Variants in NKAIN4 observed in about 807,000 individuals in gnomAD.
The protein encoded by NKAIN4 is sodium/potassium-transporting ATPase subunit beta-1-interacting protein 4.
A neutral mutation model predicts 28.8 loss-of-function variants in NKAIN4; 28 were observed. That is an observed-to-expected ratio of 0.97 (90% CI 0.72 to 1.33). The LOEUF is 1.33. Among genes scored for constraint, NKAIN4 ranks in the 40% most tolerant of loss-of-function variants. The pLI, the probability that NKAIN4 is intolerant of heterozygous loss-of-function variation, is 0.00. For missense variants in NKAIN4, 289 were observed against 277.2 expected, an observed-to-expected ratio of 1.04 and a Z score of -0.30; for synonymous variants, 122 against 115.6, an observed-to-expected ratio of 1.06 and a Z score of -0.36.
intron 6 of NKAIN4, among the ~76,000 whole-genome samples, 169 bp downstream of exon 6, chr20:63,242,370 G>C (rs1271182879): frequency 6.6e-6 from 1 of 152,208 alleles, no homozygotes; most frequent in African/African-American, 2.4e-5. Context: ...TACCACCCCA[G>C]AGCCTGGCAT....
chr20:63,254,614 G>C (rs2067019926), upstream of NKAIN4: 1 of 480,976 alleles, frequency 2.1e-6, no homozygotes. Flanking sequence ...TAACAGCTGC[G>C]CTGCGTCTCC....
chr20:63,241,319 CG>C lies in NKAIN4; in HGVS notation c.*177del. ...AAACTCTCTTGACGCTGCAGCCAGC[CG>C]TGGCACTGCCCTGCCGCCCTGGCTG... On this transcript the variant is annotated 3_prime_UTR_variant, in exon 7 of 7. Coordinates refer to ENST00000370316, the MANE Select transcript of NKAIN4 (RefSeq NM_152864.4). 1 of 604,584 alleles carries C rather than the reference CG, an allele frequency of 1.7e-6. No homozygotes were observed. Among genetic ancestry groups the C allele is most frequent in the South Asian group, 2.0e-5 (1 of 50,670 alleles). 37.5% of individuals were successfully genotyped at this position (604,584 alleles called of 1,614,324 possible).
At chr20:63,247,177 T>C in intron 4 of NKAIN4, 1 of 1,128,972 alleles carries the variant, frequency 8.9e-7, no homozygotes, top group Non-Finnish European at 1.1e-6. Context: ...GTGACCGGCA[T>C]GGGCTCGGGG....
chr20:63,241,812 G>A (rs879321911), intron 6 of NKAIN4: 14 of 565,398 alleles, frequency 2.5e-5, no homozygotes, highest in East Asian at 7.5e-5. Context: ...CAGGGTCTGC[G>A]TGTGACCCCA....
At chr20:63,251,708 G>A (rs889200680) in intron 1 of NKAIN4, among the ~76,000 whole-genome samples, 14 of 152,148 alleles carry the variant, frequency 9.2e-5, no homozygotes, top group African/African-American at 2.2e-4. Context: ...CGGGAACAAA[G>A]AGTAATTGCT....
intron 4 of NKAIN4, 184 bp downstream of exon 4, chr20:63,247,394 G>A (rs1351953720): frequency 6.5e-7 from 1 of 1,531,458 alleles, no homozygotes; most frequent in South Asian, 1.2e-5. Context: ...AGGCACTGAG[G>A]TGCCAGCCAC....
intron 4 of NKAIN4, chr20:63,247,012 C>A: frequency 1.0e-6 from 1 of 1,001,980 alleles, no homozygotes; most frequent in Non-Finnish European, 1.2e-6. Context: ...CCCGCACAAG[C>A]AACAGCTGCT....
chr20:63,246,033 T>C (rs1021661726), intron 4 of NKAIN4, among the ~76,000 whole-genome samples: 6 of 152,000 alleles, frequency 3.9e-5, no homozygotes, highest in African/African-American at 1.4e-4. Context: ...GTTCATGCCA[T>C]TCTCCTGCTT....
chr20:63,250,623 T>A (rs1601296089), intron 1 of NKAIN4, among the ~76,000 whole-genome samples: 1 of 144,916 alleles, frequency 6.9e-6, no homozygotes, highest in African/African-American at 2.5e-5. Flanking sequence ...GCAGGCAGCC[T>A]CCCCTCCACT....
chr20:63,244,226 C>T, intron 4 of NKAIN4, 142 bp from the exon 5 acceptor site: 1 of 706,440 alleles, frequency 1.4e-6, no homozygotes, highest in South Asian at 1.7e-5. Context: ...TCCTCTGTGA[C>T]TTGGAGTGGG....
At chr20:63,254,048 CG>C (rs1365836779) in intron 1 of NKAIN4, 2 of 275,734 alleles carry the variant, frequency 7.3e-6, no homozygotes, top group Non-Finnish European at 7.0e-6. Flanking sequence ...GGGGCGCACC[CG>C]GGGCCACACA....
chr20:63,253,548 T>A, intron 1 of NKAIN4: 1 of 982,698 alleles, frequency 1.0e-6, no homozygotes, highest in Non-Finnish European at 1.2e-6. Context: ...CCACAAAGCA[T>A]CGTTTCCTTT....
Position 63,247,752 on chromosome 20 carries a change from G to T in NKAIN4, c.297C>A (p.Ser99Arg), listed in dbSNP as rs552629665. 5 of 1,473,572 alleles carry T rather than the reference G, an allele frequency of 3.4e-6. No homozygotes were observed. Among genetic ancestry groups the T allele is most frequent in the Non-Finnish European group, 3.6e-6 (4 of 1,107,976 alleles). 91.3% of individuals were successfully genotyped at this position (1,473,572 alleles called of 1,614,324 possible). ...GCCACCAGGAGCGATGCCGGGAGAG[G>T]CTGAAGGTCAGTAGCTCGCTGTCCT... is the stretch of plus-strand genomic sequence containing the variant. ...LLKDSELLTFSLSRHRSWWRE... is the reference protein window; with the variant it reads ...LLKDSELLTFRLSRHRSWWRE... Residue 99 changes from serine (S) to arginine (R), a missense_variant, in exon 4 of 7, where the codon AGC (serine) becomes AGA (arginine). By Grantham distance (110) the Ser-to-Arg change is moderately radical (BLOSUM62 -1). Coordinates refer to ENST00000370316, the MANE Select transcript of NKAIN4 (RefSeq NM_152864.4).
At chr20:63,242,493 G>T in intron 6 of NKAIN4, 46 bp downstream of exon 6, 1 of 1,418,512 alleles carries the variant, frequency 7.0e-7, no homozygotes, top group Non-Finnish European at 1.0e-6. Context: ...GTGAGGGCCA[G>T]ATTGGCCAGG....
chr20:63,243,984 C>A, intron 5 of NKAIN4, 40 bp downstream of exon 5: 1 of 1,559,892 alleles, frequency 6.4e-7, no homozygotes, highest in Non-Finnish European at 8.8e-7. Flanking sequence ...ACCTCTGTAG[C>A]CGTCTCCCGC....
chr20:63,246,911 G>C (rs1392270139), intron 4 of NKAIN4: 2 of 985,338 alleles, frequency 2.0e-6, no homozygotes, highest in East Asian at 2.3e-4. Flanking sequence ...GCACAGCGGG[G>C]AAGTGGCCGT....
intron 6 of NKAIN4, among the ~76,000 whole-genome samples, chr20:63,242,286 C>CT (rs2066768819): frequency 6.6e-6 from 1 of 150,484 alleles, no homozygotes. Context: ...ACCCAACCCC[C>CT]TCCCACAGTC....
At chr20:63,244,861 G>A (rs2066827503) in intron 4 of NKAIN4, among the ~76,000 whole-genome samples, 1 of 152,348 alleles carries the variant, frequency 6.6e-6, no homozygotes, top group African/African-American at 2.4e-5. Context: ...CGAGGGAGGC[G>A]GCAGTGGGTC....
chr20:63,248,919 G>T, intron 2 of NKAIN4, 24 bp from the exon 3 acceptor site: 1 of 1,563,862 alleles, frequency 6.4e-7, no homozygotes, highest in Non-Finnish European at 8.8e-7. Context: ...AGGATGGGGC[G>T]GCAGCTGAAC....
Sources: allele counts gnomAD v4.1 joint callset (sites outside exome capture counted in the v4.1 genomes callset), GRCh38; gene constraint gnomAD v4.1.1; transcripts MANE v1.5; gene names NCBI Gene and HGNC (gene_info 2026-07-23, HGNC 2026-07-21).